MACROD2: variants seen among roughly 807,000 people sequenced by gnomAD.
The protein encoded by MACROD2 is ADP-ribose glycohydrolase MACROD2.
Under a neutral mutation model 70.4 loss-of-function variants are expected in MACROD2, and 36 were observed. That is an observed-to-expected ratio of 0.51 (90% CI 0.39 to 0.68). The LOEUF (loss-of-function observed/expected upper bound fraction) is 0.68. MACROD2 is among the 30% of genes least tolerant of loss of function. The pLI is 0.00. For synonymous variants in MACROD2, 172 were observed against 178.8 expected (o/e 0.96, Z 0.30); for missense variants, 496 against 538.4 (o/e 0.92, Z 0.78).
At chr20:14,313,260 G>A (rs1446111388) in intron 3 of MACROD2, among the ~76,000 whole-genome samples, 5 of 152,232 alleles carry the variant, frequency 3.3e-5, no homozygotes, top group Non-Finnish European at 7.4e-5. Context: ...GAATACTTGC[G>A]TATTTTGTGA....
At chr20:15,752,168 G>C (rs1457644668) in intron 8 of MACROD2, among the ~76,000 whole-genome samples, 1 of 151,880 alleles carries the variant, frequency 6.6e-6, no homozygotes, top group African/African-American at 2.4e-5. Context: ...CTAATCTTCA[G>C]AGCAGCTCTT....
At chr20:15,350,098 C>CTGTG (rs2078211388) in intron 6 of MACROD2, among the ~76,000 whole-genome samples, 1 of 152,188 alleles carries the variant, frequency 6.6e-6, no homozygotes, top group Non-Finnish European at 1.5e-5. Context: ...GTGAACCTGA[C>CTGTG]TGTGGTTAAC....
chr20:14,798,821 T>G (rs989929192), intron 5 of MACROD2, among the ~76,000 whole-genome samples: 4 of 152,054 alleles, frequency 2.6e-5, no homozygotes, highest in Non-Finnish European at 4.4e-5. Context: ...ATAAGTATGC[T>G]GAGATTTTCC....
intron 3 of MACROD2, among the ~76,000 whole-genome samples, chr20:14,138,179 A>T (rs983868265): frequency 3.3e-5 from 5 of 152,242 alleles, no homozygotes; most frequent in Non-Finnish European, 7.3e-5. Context: ...TACAGCCATT[A>T]TGGAAAGAAA....
intron 5 of MACROD2, among the ~76,000 whole-genome samples, chr20:14,981,232 G>A (rs1009901999): frequency 6.6e-6 from 1 of 151,946 alleles, no homozygotes; most frequent in Non-Finnish European, 1.5e-5. Flanking sequence ...CACTTCCTTA[G>A]CAATATTAAA....
Position 15,937,536 on chromosome 20 carries a change from A to C in MACROD2, c.899A>C (p.Lys300Thr), listed in dbSNP as rs751197541. Residue 300 changes from lysine to threonine, a missense_variant, in exon 12 of 18, where the codon AAA (lysine) becomes ACA (threonine). Transcript: ENST00000684519. ...PASEEAVEDC[K>T]DEDFAKDENI... The stretch of plus-strand genomic sequence containing the variant: ...TCAGAAGAGGCAGTTGAAGACTGTA[A>C]AGATGAAGGTATGAGGCTACTAACT... 33 of 1,613,174 alleles carry C rather than the reference A, an allele frequency of 2.0e-5. No homozygotes were observed. Among genetic ancestry groups the C allele is most frequent in the Non-Finnish European group, 2.8e-5 (33 of 1,179,298 alleles).
intron 5 of MACROD2, among the ~76,000 whole-genome samples, chr20:14,868,938 A>G (rs2073457688): frequency 1.3e-5 from 2 of 152,152 alleles, no homozygotes; most frequent in South Asian, 4.1e-4. Flanking sequence ...TCGTTGATAC[A>G]GGACCAGCTA....
At chr20:14,327,251 C>G (rs764985621) in intron 3 of MACROD2, 5 of 1,613,630 alleles carry the variant, frequency 3.1e-6, no homozygotes, top group Admixed American at 3.3e-5. Flanking sequence ...TATATTCTTT[C>G]TACTTTCAGC....
At chr20:14,695,364 CTT>C (rs1001835512) in intron 5 of MACROD2, among the ~76,000 whole-genome samples, 1 of 152,170 alleles carries the variant, frequency 6.6e-6, no homozygotes, top group Non-Finnish European at 1.5e-5. Context: ...TATAAGGACA[CTT>C]GTCACTGGAT....
At chr20:15,166,644 AT>A (rs34995582) in intron 5 of MACROD2, among the ~76,000 whole-genome samples, 2 of 152,042 alleles carry the variant, frequency 1.3e-5, no homozygotes, top group Admixed American at 6.6e-5. Context: ...CAATCTATGC[AT>A]TTTTTTAAGA....
intron 7 of MACROD2, among the ~76,000 whole-genome samples, chr20:15,495,106 C>T (rs945610340): frequency 6.6e-6 from 1 of 152,154 alleles, no homozygotes; most frequent in Non-Finnish European, 1.5e-5. Context: ...TCTGTAGCCT[C>T]CCCTCCGGGT....
chr20:14,571,685 T>A (rs1045376792), intron 4 of MACROD2, among the ~76,000 whole-genome samples: 2 of 152,110 alleles, frequency 1.3e-5, no homozygotes, highest in Admixed American at 1.3e-4. Context: ...TATAGATAAG[T>A]ATTTGCCTGC....
chr20:15,538,648 C>A (rs1024756722), intron 8 of MACROD2, among the ~76,000 whole-genome samples: 1 of 152,074 alleles, frequency 6.6e-6, no homozygotes, highest in African/African-American at 2.4e-5. Flanking sequence ...GAGAGCAAGG[C>A]CCATTTAAAA....
At chr20:14,878,713 G>A (rs1053663931) in intron 5 of MACROD2, among the ~76,000 whole-genome samples, 1 of 152,028 alleles carries the variant, frequency 6.6e-6, no homozygotes, top group Non-Finnish European at 1.5e-5. Context: ...TACTGGCCGA[G>A]TTGATAATAT....
chr20:14,019,832 G>T lies in MACROD2; in HGVS notation c.163+17428G>T, dbSNP rs546280511. ...GATGTTACTTATAGGAGTAATTGGG[G>T]AAGTTGCAAATCTTGTATCCTCCGA... On this transcript the variant is annotated intron_variant, in intron 2 of 17. Coordinates refer to ENST00000684519, the MANE Select transcript of MACROD2 (RefSeq NM_001351661.2). 2.0e-5 allele frequency among the ~76,000 whole-genome samples: 3 copies of T among 152,252 alleles called. No homozygotes were observed. In the South Asian group the frequency reaches 6.2e-4, roughly 32 times the overall value.
At chr20:14,245,777 C>G (rs372290500) in intron 3 of MACROD2, among the ~76,000 whole-genome samples, 2 of 152,230 alleles carry the variant, frequency 1.3e-5, no homozygotes, top group South Asian at 2.1e-4. Context: ...TTGCCATCAC[C>G]TCTACCCCTA....
intron 8 of MACROD2, among the ~76,000 whole-genome samples, chr20:15,681,206 C>T (rs1026778156): frequency 1.3e-5 from 2 of 152,206 alleles, no homozygotes; most frequent in Non-Finnish European, 2.9e-5. Context: ...TAAAGTTTGA[C>T]TTCAAGATGG....
chr20:15,964,021 G>C (rs542993514), intron 12 of MACROD2, among the ~76,000 whole-genome samples: 1 of 152,178 alleles, frequency 6.6e-6, no homozygotes, highest in South Asian at 2.1e-4. Flanking sequence ...CCAGTTCTCT[G>C]TTATTAAAAT....
At chr20:14,164,707 C>T (rs1049371410) in intron 3 of MACROD2, among the ~76,000 whole-genome samples, 1 of 151,994 alleles carries the variant, frequency 6.6e-6, no homozygotes, top group African/African-American at 2.4e-5. Flanking sequence ...ACCCGGGTGC[C>T]AGTGATGGTG....
Sources: gnomAD v4.1 joint callset for allele counts (sites outside exome capture counted in the v4.1 genomes callset) on GRCh38, gnomAD v4.1.1 for gene constraint, MANE v1.5 for transcripts, NCBI Gene and HGNC (gene_info 2026-07-23, HGNC 2026-07-21) for gene names.